MACF1: variants seen among roughly 807,000 people sequenced by gnomAD.
The protein encoded by MACF1 is microtubule actin crosslinking factor 1.
A neutral mutation model predicts 854.8 loss-of-function variants in MACF1; 193 were observed. The ratio of observed to expected loss-of-function variants is 0.23; its 90% CI spans 0.20 to 0.25. The LOEUF (loss-of-function observed/expected upper bound fraction) is 0.25. Among genes scored for constraint, MACF1 ranks in the 10% least tolerant of loss-of-function variants. MACF1 has a pLI of 1.00. For missense variants in MACF1, 7,722 were observed against 8,929.1 expected (o/e 0.86, Z 5.45); for synonymous variants, 3,185 against 3,226.7 (o/e 0.99, Z 0.44).
chr1:39,129,897 T>A (rs1248483543), intron 2 of MACF1, among the ~76,000 whole-genome samples: 2 of 152,056 alleles, frequency 1.3e-5, no homozygotes, highest in Non-Finnish European at 2.9e-5. Context: ...CCTCCTCCCC[T>A]CCCCCAAATG....
intron 1 of MACF1, among the ~76,000 whole-genome samples, chr1:39,210,342 G>C (rs1644500529): frequency 6.6e-6 from 1 of 151,574 alleles, no homozygotes; most frequent in Non-Finnish European, 1.5e-5. Context: ...GTTTAATCAA[G>C]GTAGAGTCTT....
chr1:39,459,965 T>A (rs1362871639), intron 91 of MACF1: 1 of 554,426 alleles, frequency 1.8e-6, no homozygotes, highest in Non-Finnish European at 3.0e-6. Flanking sequence ...TGCTGCACTC[T>A]TTAAGTCATT....
chr1:39,207,970 C>T (rs1644471564), intron 1 of MACF1, among the ~76,000 whole-genome samples: 2 of 151,552 alleles, frequency 1.3e-5, no homozygotes, highest in South Asian at 4.2e-4. Flanking sequence ...CCCATCTCTA[C>T]TAAAAATACA....
chr1:39,118,040 A>G (rs1405654788), intron 2 of MACF1, among the ~76,000 whole-genome samples: 3 of 152,186 alleles, frequency 2.0e-5, no homozygotes, highest in Non-Finnish European at 4.4e-5. Context: ...CATATTATCT[A>G]TACATATGGG....
rs1644739668 is a variant in MACF1, at chr1:39,469,668, G to GC, written c.21958+54dup. 2.9e-6 allele frequency: 4 copies of GC among 1,386,336 alleles called. No homozygotes were observed. The Admixed American group carries it at 7.9e-5, about 27-fold the overall frequency. The allele number at this position is 1,386,336 out of a possible 1,614,324, so 85.9% of individuals were successfully genotyped here. ...CTCACACCCTAGCCCATTGAGAATG[G>GC]CTTTGCTTCTTAAACTGTAACATCT... On this transcript the variant is annotated intron_variant, in intron 97 of 100. Coordinates refer to ENST00000564288, the MANE Select transcript of MACF1 (RefSeq NM_001394062.1).
chr1:39,337,921 C>T (rs543195866), intron 38 of MACF1, among the ~76,000 whole-genome samples: 31 of 152,194 alleles, frequency 2.0e-4, no homozygotes, highest in South Asian at 8.3e-4. Flanking sequence ...AGGCGCCTGC[C>T]GCCACGCCCA....
Position 39,335,853 on chromosome 1 carries a change from T to C in MACF1, c.9265T>C (p.Leu3089=). 1 of 1,613,956 alleles carries C rather than the reference T, an allele frequency of 6.2e-7. No individual in the cohort carries two copies. Among genetic ancestry groups the C allele is most frequent in the Non-Finnish European group, 8.5e-7 (1 of 1,179,978 alleles). Residue 3089 remains leucine, a synonymous_variant, in exon 37 of 101, where the codon TTA becomes CTA. Coordinates refer to ENST00000564288, the MANE Select transcript of MACF1 (RefSeq NM_001394062.1). The part of the protein sequence containing the change: ...LCLTLKPEEN[L]SREIACGAQS... Reference sequence around the variant, plus strand: ...CTTGACTTTAAAACCAGAAGAAAACTTATCTCGAGAAATTGCCTGTGGGGC... The same window carrying C: ...CTTGACTTTAAAACCAGAAGAAAACCTATCTCGAGAAATTGCCTGTGGGGC...
intron 97 of MACF1, among the ~76,000 whole-genome samples, chr1:39,472,431 C>T (rs1265049267): frequency 1.3e-5 from 2 of 152,146 alleles, no homozygotes; most frequent in Non-Finnish European, 2.9e-5. Flanking sequence ...CGCCTCCTCC[C>T]ATCCCAGCCT....
intron 26 of MACF1, among the ~76,000 whole-genome samples, chr1:39,313,389 C>T (rs1646341797): frequency 6.6e-6 from 1 of 152,110 alleles, no homozygotes; most frequent in Admixed American, 6.5e-5. Flanking sequence ...TTTTAGCATC[C>T]ATTGTTAATT....
At position 39,323,606 on chromosome 1, in the gene MACF1, T is replaced by G. The variant is rs552919034; in HGVS notation, c.4237-587T>G. On this transcript the variant is annotated intron_variant, in intron 33 of 100. Coordinates refer to ENST00000564288, the MANE Select transcript of MACF1 (RefSeq NM_001394062.1). ...ATACCAAATTTCTGGGGAAATAACGTTAACTTACATAATTATGTATTTTAG... is the reference window on the plus strand; with the variant it reads ...ATACCAAATTTCTGGGGAAATAACGGTAACTTACATAATTATGTATTTTAG... 2.9e-4 allele frequency among the ~76,000 whole-genome samples: 44 copies of G among 152,196 alleles called. 1 individual carries two copies. Among genetic ancestry groups the G allele is most frequent in the African/African-American group, 1.1e-3 (44 of 41,576 alleles).
In MACF1 at chr1:39,089,695, T is replaced by G. The variant is rs1232190874; in HGVS notation, c.220+5257T>G. On this transcript the variant is annotated intron_variant, in intron 2 of 93. Transcript: ENST00000361689. ...TCTGAGAAGACATCTCACAGGCACC[T>G]CTCTGCTTCATTCATTCATTCAATA... 7.5e-5 allele frequency among the ~76,000 whole-genome samples: 11 copies of G among 146,198 alleles called. No homozygotes were observed. In the Admixed American group the frequency reaches 7.8e-4, roughly 10 times the overall value.
At chr1:39,317,557 A>G (rs1444767921) in intron 29 of MACF1, 150 bp downstream of exon 29, 1 of 880,652 alleles carries the variant, frequency 1.1e-6, no homozygotes, top group Non-Finnish European at 1.7e-6. Context: ...TGGACAAGTA[A>G]GTGACAGAAA....
At position 39,439,399 on chromosome 1, in the gene MACF1, G is replaced by A. The variant is rs552878564; in HGVS notation, c.18346G>A (p.Ala6116Thr). ...LAEKFWYDMAALLTTIKDTQD... is the reference protein window; with the variant it reads ...LAEKFWYDMATLLTTIKDTQD... ...AGAGAAGTTCTGGTATGACATGGCA[G>A]CTCTCCTGACCACCATCAAAGACAC... is the stretch of plus-strand genomic sequence containing the variant. Residue 6116 changes from alanine (A) to threonine (T), a missense_variant, in exon 72 of 101, where the codon GCT (alanine) becomes ACT (threonine). Transcript: ENST00000564288. 75 of 1,614,070 alleles carry A rather than the reference G, an allele frequency of 4.6e-5. 1 individual carries two copies. The South Asian group carries it at 8.2e-4, about 18-fold the overall frequency.
chr1:39,235,047 T>C (rs1644843135), intron 2 of MACF1, among the ~76,000 whole-genome samples: 1 of 147,264 alleles, frequency 6.8e-6, no homozygotes, highest in African/African-American at 2.6e-5. Context: ...GAGGGGCTCC[T>C]CACATCCCAG....
intron 2 of MACF1, among the ~76,000 whole-genome samples, chr1:39,249,570 T>C (rs913733687): frequency 3.9e-5 from 6 of 152,166 alleles, no homozygotes; most frequent in Non-Finnish European, 8.8e-5. Context: ...AAGGGTTAAA[T>C]TGGAAATACA....
chr1:39,198,204 T>C (rs35495811), intron 2 of MACF1, among the ~76,000 whole-genome samples: 198 of 151,850 alleles, frequency 1.3e-3, no homozygotes, highest in Non-Finnish European at 2.0e-3. Flanking sequence ...TCTCAAGAAA[T>C]GGTGATAGAA....
Position 39,422,318 on chromosome 1 carries a change from G to A in MACF1, c.15817-56G>A, listed in dbSNP as rs573165660. On this transcript the variant is annotated intron_variant, in intron 58 of 100. Coordinates refer to ENST00000564288, the MANE Select transcript of MACF1 (RefSeq NM_001394062.1). Reference sequence around the variant, plus strand: ...CCCAAGAATAACCAGTCTCTGCGTGGTATAGAGAGTCTAATAGCCTTTGTA... The same window carrying A: ...CCCAAGAATAACCAGTCTCTGCGTGATATAGAGAGTCTAATAGCCTTTGTA... 43 of 1,422,318 alleles carry A rather than the reference G, an allele frequency of 3.0e-5. No individual in the cohort carries two copies. In the East Asian group the frequency reaches 8.7e-4, roughly 29 times the overall value. The allele number at this position is 1,422,318 out of a possible 1,614,324, so 88.1% of individuals were successfully genotyped here.
chr1:39,385,625 AGCTATT>A lies in MACF1; in HGVS notation c.14042_14047del (p.Ala4681_Ile4682del). 1.2e-6 allele frequency: 2 copies of A among 1,614,118 alleles called. No individual in the cohort carries two copies. The highest frequency in any genetic ancestry group is 1.7e-6 in the Non-Finnish European group (2 of 1,180,020). ...ACTCCCGTTCCAGCCAAATTGACCAAGCTATTGTTAAGAGCACCCAGTACCAGGAAC... is the reference window on the plus strand; with the variant it reads ...ACTCCCGTTCCAGCCAAATTGACCAAGTTAAGAGCACCCAGTACCAGGAAC... On this transcript the variant is annotated inframe_deletion, in exon 57 of 101. Transcript: ENST00000564288.
rs565658678 is a variant in MACF1 at position 39,095,431 on chromosome 1, T to C, written c.220+10993T>C. 6.5e-4 allele frequency among the ~76,000 whole-genome samples: 99 copies of C among 151,312 alleles called. 1 individual carries two copies. Among genetic ancestry groups the C allele is most frequent in the African/African-American group, 2.4e-3 (97 of 41,222 alleles). On this transcript the variant is annotated intron_variant, in intron 2 of 93. Transcript: ENST00000361689. ...CAAAAAAATTAGCTAGGCATGGTGG[T>C]GCGCGCCTGTAGTCCCAGCTACTCA...
Sources: allele counts gnomAD v4.1 joint callset (sites outside exome capture counted in the v4.1 genomes callset), GRCh38; gene constraint gnomAD v4.1.1; transcripts MANE v1.5; gene names NCBI Gene and HGNC (gene_info 2026-07-23, HGNC 2026-07-21).